The following FHIP2A variants were observed in gnomAD, a reference collection of about 807,000 sequenced individuals.
FHIP2A encodes the protein family with sequence similarity 160 member B1.
In FHIP2A, 46 loss-of-function variants were observed where a neutral mutation model predicts 93.5. The observed-to-expected ratio is 0.49, with a 90% CI of 0.39 to 0.63. The LOEUF is 0.63. Ranked by LOEUF, FHIP2A falls within the 20% of genes least tolerant of loss-of-function variation. The pLI, the probability that FHIP2A is intolerant of heterozygous loss-of-function variation, is 0.00. For missense variants in FHIP2A, 769 were observed against 909.7 expected, an observed-to-expected ratio of 0.85 and a Z score of 1.99; for synonymous variants, 332 against 326.5, an observed-to-expected ratio of 1.02 and a Z score of -0.18.
intron 13 of FHIP2A, among the ~76,000 whole-genome samples, chr10:114,851,185 A>T (rs1272259892): frequency 6.6e-6 from 1 of 152,178 alleles, no homozygotes; most frequent in Non-Finnish European, 1.5e-5. Flanking sequence ...AAGTGCTGGG[A>T]TTACAGTTAT....
downstream of FHIP2A, among the ~76,000 whole-genome samples, chr10:114,864,874 G>A (rs1338035313): frequency 1.3e-5 from 2 of 152,116 alleles, no homozygotes; most frequent in Non-Finnish European, 2.9e-5. Context: ...AAAAAGCAAT[G>A]TATCTATTTG....
chr10:114,862,867 G>A lies in FHIP2A; in HGVS notation c.*1327G>A. On this transcript the variant is annotated 3_prime_UTR_variant, in exon 17 of 17. Coordinates refer to ENST00000369248, the MANE Select transcript of FHIP2A (RefSeq NM_020940.4). Reference sequence around the variant, plus strand: ...AACAGGCTATCAAAGGTTCCGGCTTGAAGGGAACTGTCACTACCCCCTCTA... The same window carrying A: ...AACAGGCTATCAAAGGTTCCGGCTTAAAGGGAACTGTCACTACCCCCTCTA... The A allele has an allele frequency of 1.0e-6, 1 of 985,454 alleles. No homozygotes were observed. Among genetic ancestry groups the A allele is most frequent in the Non-Finnish European group, 1.2e-6 (1 of 829,938 alleles). 61.0% of individuals were successfully genotyped at this position (985,454 alleles called of 1,614,324 possible). A position where few individuals can be genotyped will look rare whatever the true frequency, so the allele number is the denominator to read the frequency against.
At chr10:114,891,346 A>G (rs1015308733) in intron 16 of FHIP2A, among the ~76,000 whole-genome samples, 1 of 151,746 alleles carries the variant, frequency 6.6e-6, no homozygotes, top group Non-Finnish European at 1.5e-5. Context: ...TAGATGGGCC[A>G]TGATAATTAT....
At position 114,862,677 on chromosome 10, in the gene FHIP2A, G is replaced by A. The variant is rs2083807396; in HGVS notation, c.*1137G>A. On this transcript the variant is annotated 3_prime_UTR_variant, in exon 17 of 17. Transcript: ENST00000369248. ...AGCAAAGCTGCGCTGGGCACAGCAT[G>A]CTTGTACTTGATTGACAAAATCGTG... 1 of 985,532 alleles carries A rather than the reference G, an allele frequency of 1.0e-6. No homozygotes were observed. 61.0% of individuals were successfully genotyped at this position (985,532 alleles called of 1,614,324 possible). A position where few individuals can be genotyped will look rare whatever the true frequency, so the allele number is the denominator to read the frequency against.
intron 3 of FHIP2A, among the ~76,000 whole-genome samples, chr10:114,835,031 G>C (rs1199193188): frequency 1.3e-5 from 2 of 152,098 alleles, no homozygotes; most frequent in Admixed American, 1.3e-4. Context: ...AATGATGTTA[G>C]GATAAAATCA....
intron 16 of FHIP2A, among the ~76,000 whole-genome samples, chr10:114,889,478 G>T (rs1295714571): frequency 6.6e-6 from 1 of 152,122 alleles, no homozygotes; most frequent in Non-Finnish European, 1.5e-5. Flanking sequence ...CACCTGTGTT[G>T]CCCCTGCAGA....
chr10:114,855,287 G>A lies in FHIP2A; in HGVS notation c.1894G>A (p.Glu632Lys). 1 of 1,613,994 alleles carries A rather than the reference G, an allele frequency of 6.2e-7. No homozygotes were observed. The highest frequency in any genetic ancestry group is 1.1e-5 in the South Asian group (1 of 91,072). ...GTGCAATTTAGAAGCTGCTTTCTTT[G>A]AAGGTCATTTTTTGAAAGTGCTGTT... is the stretch of plus-strand genomic sequence containing the variant. ...EKCNLEAAFF[E>K]GHFLKVLFDR... Residue 632 changes from glutamate to lysine, a missense_variant, in exon 14 of 17, where the codon GAA (glutamate) becomes AAA (lysine). Glu to Lys is a moderately conservative substitution (Grantham distance 56). Transcript: ENST00000369248.
chr10:114,829,815 A>C (rs2083597892), intron 1 of FHIP2A, among the ~76,000 whole-genome samples: 1 of 152,220 alleles, frequency 6.6e-6, no homozygotes, highest in Admixed American at 6.5e-5. Context: ...TAGAAAGTGT[A>C]TGCAAATCTT....
At chr10:114,891,490 C>G (rs905677341) in intron 16 of FHIP2A, among the ~76,000 whole-genome samples, 11 of 144,394 alleles carry the variant, frequency 7.6e-5, no homozygotes, top group African/African-American at 2.9e-4. Flanking sequence ...AAATTTAAAG[C>G]AAATAATAAG....
Position 114,862,292 on chromosome 10 carries a change from T to C in FHIP2A, c.*752T>C. 1.0e-6 allele frequency: 1 copy of C among 987,434 alleles called. No individual in the cohort carries two copies. The highest frequency in any genetic ancestry group is 1.2e-6 in the Non-Finnish European group (1 of 830,114). 61.2% of individuals were successfully genotyped at this position (987,434 alleles called of 1,614,324 possible). On this transcript the variant is annotated 3_prime_UTR_variant, in exon 17 of 17. Coordinates refer to ENST00000369248, the MANE Select transcript of FHIP2A (RefSeq NM_020940.4). ...GCAGCAGTGTTCAATTTGCTCACCA[T>C]TGGTAGTGTTTGCTAAAATTGTATT...
At chr10:114,861,392 C>T (rs780982416) in intron 16 of FHIP2A, 43 bp from the exon 17 acceptor site, 108 of 1,613,688 alleles carry the variant, frequency 6.7e-5, no homozygotes, top group Non-Finnish European at 8.8e-5. Context: ...TAATGATCGG[C>T]TGCTATCTTG....
intron 13 of FHIP2A, among the ~76,000 whole-genome samples, chr10:114,851,509 A>G (rs773229512): frequency 3.9e-5 from 6 of 152,056 alleles, no homozygotes; most frequent in Non-Finnish European, 8.8e-5. Flanking sequence ...TGTAAAGTTT[A>G]TTTGAGGACT....
chr10:114,823,179 A>T (rs1454181322), intron 1 of FHIP2A, among the ~76,000 whole-genome samples: 2 of 152,226 alleles, frequency 1.3e-5, no homozygotes, highest in Non-Finnish European at 2.9e-5. Flanking sequence ...GGCAGGCAAA[A>T]ATGGAGTTTT....
chr10:114,846,648 A>G lies in FHIP2A; in HGVS notation c.1488A>G (p.Glu496=), dbSNP rs1442159423. 3 of 1,612,278 alleles carry G rather than the reference A, an allele frequency of 1.9e-6. No homozygotes were observed. Among genetic ancestry groups the G allele is most frequent in the South Asian group, 2.2e-5 (2 of 90,438 alleles). Residue 496 remains glutamate (E), a synonymous_variant, in exon 11 of 17, where the codon GAA becomes GAG. Transcript: ENST00000369248. ...ILYNLVLRNL[E]ERNYTEYKPL... is the part of the protein sequence containing the mutation. ...ACAACTTGGTCTTGAGAAATCTTGA[A>G]GAAAGAAATTATACAGAATATAAAC...
chr10:114,890,626 A>G (rs1299656242), intron 16 of FHIP2A, among the ~76,000 whole-genome samples: 3 of 147,770 alleles, frequency 2.0e-5, no homozygotes, highest in Non-Finnish European at 4.5e-5. Context: ...TACGCTATAT[A>G]TGACATATAT....
chr10:114,891,710 G>A lies in FHIP2A; in HGVS notation c.2193-7780G>A, dbSNP rs184703794. Among the ~76,000 whole-genome samples the A allele has an allele frequency of 1.0e-3, 159 of 151,732 alleles. No homozygotes were observed. The East Asian group carries it at 0.015, about 14-fold the overall frequency. ...CAGCTCACTGTAACCTCCGCCTCCC[G>A]GGTTCAAGCGATTCTCCTGCCTCAG... On this transcript the variant is annotated intron_variant, in intron 16 of 16. Transcript: ENST00000369250.
At chr10:114,854,891 C>T (rs1298180282) in intron 13 of FHIP2A, among the ~76,000 whole-genome samples, 1 of 152,124 alleles carries the variant, frequency 6.6e-6, no homozygotes, top group Non-Finnish European at 1.5e-5. Context: ...TCCTCTAAAT[C>T]GGTGATGAAA....
At chr10:114,859,912 C>T (rs1456131433) in intron 14 of FHIP2A, among the ~76,000 whole-genome samples, 1 of 152,190 alleles carries the variant, frequency 6.6e-6, no homozygotes, top group African/African-American at 2.4e-5. Flanking sequence ...GTTCTATCCC[C>T]AAGTACTTTC....
chr10:114,891,524 AATAT>A (rs751741872), intron 16 of FHIP2A, among the ~76,000 whole-genome samples: 1 of 133,098 alleles, frequency 7.5e-6, no homozygotes, highest in African/African-American at 2.9e-5. Flanking sequence ...CACAAGGGTG[AATAT>A]ATATATATAT....
Sources: allele counts gnomAD v4.1 joint callset (sites outside exome capture counted in the v4.1 genomes callset), GRCh38; gene constraint gnomAD v4.1.1; transcripts MANE v1.5; gene names NCBI Gene and HGNC (gene_info 2026-07-23, HGNC 2026-07-21).